The following MYH9 variants were observed in gnomAD, a reference collection of about 807,000 sequenced individuals.
The protein encoded by MYH9 is myosin heavy chain 9.
MYH9 carries 29 observed loss-of-function variants against 241.9 expected under a neutral mutation model. The ratio of observed to expected loss-of-function variants is 0.12; its 90% CI spans 0.09 to 0.16. The LOEUF is 0.16. Among genes scored for constraint, MYH9 ranks in the 10% least tolerant of loss-of-function variants. MYH9 has a pLI of 1.00. For missense variants in MYH9, 1,803 were observed against 2,595.5 expected (o/e 0.69, Z 6.63); for synonymous variants, 1,047 against 1,062.6 (o/e 0.99, Z 0.29).
At chr22:36,284,058 C>A in intron 40 of MYH9, 35 bp downstream of exon 40, 3 of 1,611,480 alleles carry the variant, frequency 1.9e-6, no homozygotes, top group Non-Finnish European at 2.5e-6. Context: ...GAGAGAAGTG[C>A]CGAGGCAAAG....
At chr22:36,319,950 C>T (rs886580564) in intron 9 of MYH9, 1 of 607,352 alleles carries the variant, frequency 1.6e-6, no homozygotes, top group African/African-American at 1.8e-5. Context: ...ATTCTACTTT[C>T]AGCAAATGGC....
chr22:36,321,042 T>TC, intron 7 of MYH9, 146 bp from the exon 8 acceptor site: 1 of 640,266 alleles, frequency 1.6e-6, no homozygotes, highest in South Asian at 1.5e-5. Flanking sequence ...AGCCTCCACC[T>TC]CCTGGATTCA....
At position 36,285,008 on chromosome 22, in the gene MYH9, G is replaced by A; in HGVS notation, c.5483+113C>T. On this transcript the variant is annotated intron_variant, in intron 38 of 40. Transcript: ENST00000216181. The surrounding 1 kb of genome is among the most constrained non-coding windows in gnomAD (Gnocchi z 7.0). ...GGCCCCATCAGGAGGGAGGGAAACA[G>A]CCCCAGGCTCAGGAGACAGAGAGCT... 1 of 1,020,104 alleles carries A rather than the reference G, an allele frequency of 9.8e-7. No homozygotes were observed. Among genetic ancestry groups the A allele is most frequent in the South Asian group, 1.4e-5 (1 of 69,060 alleles). 63.2% of individuals were successfully genotyped at this position (1,020,104 alleles called of 1,614,324 possible). A position where few individuals can be genotyped will look rare whatever the true frequency, so the allele number is the denominator to read the frequency against.
At chr22:36,383,340 C>T (rs563256408) in intron 1 of MYH9, among the ~76,000 whole-genome samples, 68 of 152,314 alleles carry the variant, frequency 4.5e-4, no homozygotes, top group African/African-American at 1.6e-3. Context: ...TGGCTATCTC[C>T]CAGACCACAG....
chr22:36,301,200 T>C, intron 21 of MYH9, 143 bp from the exon 22 acceptor site: 2 of 842,194 alleles, frequency 2.4e-6, no homozygotes, highest in Non-Finnish European at 3.9e-6. Context: ...GCTCTGAAGC[T>C]TCCAGGTACC....
chr22:36,304,086 C>T lies in MYH9; in HGVS notation c.2299G>A (p.Val767Met), dbSNP rs1168825871. The T allele has an allele frequency of 6.2e-7, 1 of 1,613,886 alleles. No individual in the cohort carries two copies. The highest frequency in any genetic ancestry group is 8.5e-7 in the Non-Finnish European group (1 of 1,180,040). Residue 767 changes from valine (V) to methionine (M), a missense_variant, in exon 19 of 41, where the codon GTG (valine) becomes ATG (methionine). Physicochemically the swap from Val to Met is conservative, Grantham distance 21. Coordinates refer to ENST00000216181, the MANE Select transcript of MYH9 (RefSeq NM_002473.6). ...CGCTCCTCCTCCAGGTGGGCCAGCA[C>T]ACCGGCACGGAAGAAGACTTTGCTC... ...GQSKVFFRAG[V>M]LAHLEEERDL... is the part of the protein sequence containing the mutation.
chr22:36,376,891 T>C (rs565204287), intron 1 of MYH9, among the ~76,000 whole-genome samples: 2 of 152,216 alleles, frequency 1.3e-5, no homozygotes, highest in African/African-American at 2.4e-5. Flanking sequence ...GGTGAAACCC[T>C]GTCTCTACTA....
chr22:36,343,643 CT>C (rs763445317), intron 2 of MYH9, among the ~76,000 whole-genome samples: 1 of 151,742 alleles, frequency 6.6e-6, no homozygotes, highest in Non-Finnish European at 1.5e-5. Context: ...GATTTCCTTT[CT>C]TCCTGGGATA....
intron 6 of MYH9, 191 bp from the exon 7 acceptor site, chr22:36,322,012 C>T (rs906731169): frequency 2.0e-5 from 13 of 639,016 alleles, no homozygotes; most frequent in African/African-American, 1.3e-4. Flanking sequence ...GGGACTCAGG[C>T]GCCACACTGC....
Position 36,288,291 on chromosome 22 carries a change from C to G in MYH9, c.4893G>C (p.Lys1631Asn). 3 of 1,614,114 alleles carry G rather than the reference C, an allele frequency of 1.9e-6. No individual in the cohort carries two copies. The highest frequency in any genetic ancestry group is 2.5e-6 in the Non-Finnish European group (3 of 1,180,034). The change falls in exon 34 of 41, where the codon AAG (lysine) becomes AAC (asparagine). Residue 1631 changes from lysine to asparagine, a missense_variant. By Grantham distance (94) the Lys-to-Asn change is moderately conservative. This residue lies in a region of MYH9 where 876 missense variants were observed against 1,077.8 expected (regional missense o/e 0.81). Transcript: ENST00000216181. The surrounding 1 kb of genome is among the most constrained non-coding windows in gnomAD (Gnocchi z 4.8). ...DLEAHIDSAN[K>N]NRDEAIKQLR... is the part of the protein sequence containing the mutation. ...GCTGTTTGATGGCTTCGTCCCGGTT[C>G]TTGTTGGCCGAGTCGATGTGCGCCT...
In MYH9 at chr22:36,376,992, G is replaced by A. The variant is rs532716216; in HGVS notation, c.-20+10815C>T. On this transcript the variant is annotated intron_variant, in intron 1 of 40. Transcript: ENST00000216181. The stretch of plus-strand genomic sequence containing the variant: ...GCAGGTGAATCGCTTGAACCCGGGA[G>A]GTGGAGGTTGCAGTGAGCCAAGATC... Among the ~76,000 whole-genome samples, 157 of 152,208 alleles carry A rather than the reference G, an allele frequency of 1.0e-3. 1 individual carries two copies. Among genetic ancestry groups the A allele is most frequent in the Non-Finnish European group, 1.7e-3 (116 of 68,008 alleles).
chr22:36,328,604 T>C (rs1016522518), intron 3 of MYH9, among the ~76,000 whole-genome samples: 1 of 152,138 alleles, frequency 6.6e-6, no homozygotes. Flanking sequence ...AAATAACACA[T>C]AAAATGGACC....
At chr22:36,284,037 A>C in intron 40 of MYH9, 56 bp downstream of exon 40, 1 of 1,585,680 alleles carries the variant, frequency 6.3e-7, no homozygotes, top group Non-Finnish European at 8.6e-7. Context: ...TTGAGGAACA[A>C]GCTACCTTTT....
chr22:36,373,127 G>C (rs1354569705), intron 1 of MYH9, among the ~76,000 whole-genome samples: 2 of 152,118 alleles, frequency 1.3e-5, no homozygotes, highest in African/African-American at 2.4e-5. Flanking sequence ...CTAAACTGTT[G>C]CAACTTGTTG....
At chr22:36,324,952 G>A in intron 5 of MYH9, 1 of 671,864 alleles carries the variant, frequency 1.5e-6, no homozygotes, top group Non-Finnish European at 2.7e-6. Context: ...TGCTCTCCGT[G>A]TCCTGTCTCC....
rs1339655821 is a variant in MYH9, at chr22:36,285,075, GT to G, written c.5483+45del. Reference sequence around the variant, plus strand: ...TGGGCAGGACTGCAGGGGGGCCAGAGTTTTTTCCAGGACAGCTGGGGTTGGG... The same window carrying G: ...TGGGCAGGACTGCAGGGGGGCCAGAGTTTTTCCAGGACAGCTGGGGTTGGG... On this transcript the variant is annotated intron_variant, in intron 38 of 40. Transcript: ENST00000216181. This position sits in a 1 kb window ranked among gnomAD's most constrained non-coding sequence, Gnocchi z 7.0. 1 of 1,593,162 alleles carries G rather than the reference GT, an allele frequency of 6.3e-7. No homozygotes were observed. Among genetic ancestry groups the G allele is most frequent in the Admixed American group, 1.7e-5 (1 of 59,264 alleles).
chr22:36,293,843 G>C lies in MYH9; in HGVS notation c.3858C>G (p.Thr1286=). Residue 1286 remains threonine, a synonymous_variant, in exon 29 of 41, where the codon ACC becomes ACG. Coordinates refer to ENST00000216181, the MANE Select transcript of MYH9 (RefSeq NM_002473.6). This position sits in a 1 kb window ranked among gnomAD's most constrained non-coding sequence, Gnocchi z 5.1. ...TKLQVELDNV[T]GLLSQSDSKS... ...TGCTGTCGGACTGGCTGAGAAGCCCGGTCACGTTGTCCAGCTCCACCTGCA... is the reference window on the plus strand; with the variant it reads ...TGCTGTCGGACTGGCTGAGAAGCCCCGTCACGTTGTCCAGCTCCACCTGCA... 6.2e-7 allele frequency: 1 copy of C among 1,613,518 alleles called. No individual in the cohort carries two copies. Among genetic ancestry groups the C allele is most frequent in the Non-Finnish European group, 8.5e-7 (1 of 1,179,904 alleles).
At chr22:36,315,769 C>T (rs1004033805) in intron 12 of MYH9, among the ~76,000 whole-genome samples, 1 of 150,156 alleles carries the variant, frequency 6.7e-6, no homozygotes, top group African/African-American at 2.4e-5. Flanking sequence ...AACAAACAAA[C>T]AAAAGGTCTC....
Position 36,314,251 on chromosome 22 carries a change from G to A in MYH9, c.1448C>T (p.Thr483Ile), listed in dbSNP as rs1391306150. 1 of 1,614,228 alleles carries A rather than the reference G, an allele frequency of 6.2e-7. No homozygotes were observed. Among genetic ancestry groups the A allele is most frequent in the Non-Finnish European group, 8.5e-7 (1 of 1,180,042 alleles). Residue 483 changes from threonine to isoleucine, a missense_variant, in exon 13 of 41, where the codon ACC (threonine) becomes ATC (isoleucine). By Grantham distance (89) the Thr-to-Ile change is moderately conservative (BLOSUM62 -1). Coordinates refer to ENST00000216181, the MANE Select transcript of MYH9 (RefSeq NM_002473.6). ...NEKLQQLFNH[T>I]MFILEQEEYQ... ...CTCCTCCTGCTCCAGGATGAACATG[G>A]TGTGGTTGAAGAGCTGCTGCAGCTT...
Sources: allele counts gnomAD v4.1 joint callset (sites outside exome capture counted in the v4.1 genomes callset), GRCh38; gene constraint gnomAD v4.1.1; regional missense constraint gnomAD v4.1.1; non-coding constraint Gnocchi (gnomAD v3.1); transcripts MANE v1.5; gene names NCBI Gene and HGNC (gene_info 2026-07-23, HGNC 2026-07-21).